Variants in MTTP observed in about 807,000 individuals in gnomAD.
MTTP encodes the protein microsomal triglyceride transfer protein.
A neutral mutation model predicts 90.6 loss-of-function variants in MTTP; 49 were observed. The ratio of observed to expected loss-of-function variants is 0.54; its 90% CI spans 0.43 to 0.69. MTTP has a LOEUF of 0.69. Among genes scored for constraint, MTTP ranks in the 30% least tolerant of loss-of-function variants. The pLI is 0.00. For synonymous variants in MTTP, 347 were observed against 384.2 expected (o/e 0.90, Z 1.13); for missense variants, 945 against 1,067.5 (o/e 0.89, Z 1.60).
intron 1 of MTTP, among the ~76,000 whole-genome samples, chr4:99,577,907 A>T (rs1272612309): frequency 6.6e-6 from 1 of 152,092 alleles, no homozygotes; most frequent in Admixed American, 6.5e-5. Flanking sequence ...TCTTTCTCTC[A>T]ATCCCTCACC....
chr4:99,568,936 A>G (rs1724769498), intron 1 of MTTP, among the ~76,000 whole-genome samples: 1 of 152,082 alleles, frequency 6.6e-6, no homozygotes, highest in African/African-American at 2.4e-5. Context: ...AGGAATTCAA[A>G]TAATTTACGT....
chr4:99,609,973 G>A (rs921516504), intron 12 of MTTP, among the ~76,000 whole-genome samples: 3 of 152,174 alleles, frequency 2.0e-5, no homozygotes, highest in South Asian at 2.1e-4. Flanking sequence ...TCAGGGACCC[G>A]GAAAGAGGAG....
rs1468725368 is a variant in MTTP, at chr4:99,591,775, G to A, written c.743G>A (p.Gly248Glu). ...CTGAATTTCCTACAAACCATTAAGG[G>A]GAAAATAGTATCGAAGTAAGATAAT... is the stretch of plus-strand genomic sequence containing the variant. The part of the protein sequence containing the change: ...FGLNFLQTIK[G>E]KIVSKQKLEL... The change falls in exon 6 of 18, where the codon GGG becomes GAG. Residue 248 changes from glycine (G) to glutamate (E), a missense_variant. Physicochemically the swap from Gly to Glu is moderately conservative, Grantham distance 98. Transcript: ENST00000265517. 1.2e-6 allele frequency: 2 copies of A among 1,612,096 alleles called. No individual in the cohort carries two copies. Among genetic ancestry groups the A allele is most frequent in the Non-Finnish European group, 1.7e-6 (2 of 1,178,698 alleles).
intron 1 of MTTP, among the ~76,000 whole-genome samples, chr4:99,566,149 C>T (rs1286596275): frequency 3.3e-5 from 5 of 151,806 alleles, no homozygotes. Context: ...CTTAGCCGGG[C>T]GTGGTGGCGG....
intron 16 of MTTP, among the ~76,000 whole-genome samples, chr4:99,619,916 C>A (rs536197236): frequency 6.6e-6 from 1 of 152,316 alleles, no homozygotes; most frequent in Admixed American, 6.5e-5. Context: ...GGGCTTCCCA[C>A]ATAATCAGTC....
At chr4:99,595,770 T>A (rs1461481317) in intron 7 of MTTP, 3 of 151,894 alleles carry the variant, frequency 2.0e-5, no homozygotes, top group African/African-American at 7.3e-5. Flanking sequence ...TTTTTTCATA[T>A]GTCATTTAAT....
At chr4:99,606,140 C>A (rs1268383879) in intron 10 of MTTP, among the ~76,000 whole-genome samples, 1 of 152,090 alleles carries the variant, frequency 6.6e-6, no homozygotes, top group African/African-American at 2.4e-5. Context: ...TACACTCAAT[C>A]CCCCTTTTTC....
chr4:99,601,470 C>G, intron 9 of MTTP, 137 bp from the exon 10 acceptor site: 1 of 662,988 alleles, frequency 1.5e-6, no homozygotes, highest in Non-Finnish European at 2.6e-6. Context: ...GTAAGTGTCT[C>G]AAAAGCAAAA....
chr4:99,581,113 T>C (rs553097468), intron 1 of MTTP, among the ~76,000 whole-genome samples: 1 of 152,332 alleles, frequency 6.6e-6, no homozygotes, highest in East Asian at 1.9e-4. Context: ...AAGATTTATG[T>C]GACCATACAT....
intron 15 of MTTP, among the ~76,000 whole-genome samples, chr4:99,617,436 A>G (rs999851615): frequency 3.3e-5 from 5 of 151,956 alleles, no homozygotes; most frequent in African/African-American, 7.3e-5. Context: ...TGGAAAGTGA[A>G]GAGAACTCAG....
chr4:99,582,917 C>A (rs1016969874), intron 2 of MTTP, among the ~76,000 whole-genome samples: 2 of 152,132 alleles, frequency 1.3e-5, no homozygotes, highest in Non-Finnish European at 2.9e-5. Flanking sequence ...AGCCATTTCT[C>A]AATACAACAG....
At chr4:99,586,344 T>C (rs1725259296) in intron 3 of MTTP, among the ~76,000 whole-genome samples, 1 of 152,140 alleles carries the variant, frequency 6.6e-6, no homozygotes. Flanking sequence ...AGTTATACCA[T>C]GGATTCTTTT....
intron 12 of MTTP, among the ~76,000 whole-genome samples, chr4:99,609,803 G>A (rs2110230895): frequency 6.6e-6 from 1 of 152,314 alleles, no homozygotes; most frequent in East Asian, 1.9e-4. Flanking sequence ...TCAGGAAAGA[G>A]CAATGGAGCA....
At chr4:99,588,085 T>C (rs1028464983) in intron 3 of MTTP, among the ~76,000 whole-genome samples, 2 of 152,222 alleles carry the variant, frequency 1.3e-5, no homozygotes, top group Admixed American at 6.5e-5. Flanking sequence ...GCAGAGTATA[T>C]GTAGGAAGTA....
chr4:99,623,085 C>G lies in MTTP; in HGVS notation c.*237C>G. ...CAACAACGTTCTTAGTTTACTTATA[C>G]CTCTCTCAAATCTCATTTGGTACAG... On this transcript the variant is annotated 3_prime_UTR_variant, in exon 18 of 18. Transcript: ENST00000265517. The G allele has an allele frequency of 7.3e-6, 4 of 547,560 alleles. No homozygotes were observed. In the East Asian group the frequency reaches 1.3e-4, roughly 18 times the overall value. The allele number at this position is 547,560 out of a possible 1,614,324, so 33.9% of individuals were successfully genotyped here.
intron 17 of MTTP, among the ~76,000 whole-genome samples, chr4:99,621,690 A>G (rs1467855757): frequency 6.6e-6 from 1 of 152,164 alleles, no homozygotes; most frequent in African/African-American, 2.4e-5. Context: ...CAGCAACTTG[A>G]CCCTGTTTAA....
chr4:99,611,190 A>AC lies in MTTP; in HGVS notation c.1819dup (p.Arg607ProfsTer18). On this transcript the variant is annotated frameshift_variant, in exon 13 of 18. Coordinates refer to ENST00000265517, the MANE Select transcript of MTTP (RefSeq NM_001386140.1). LOFTEE classifies it high-confidence loss of function. ...AAGGAAATGGTCGCTCACAATTATG[A>AC]CCGTTTCTCCAGGAGTGGATCTTCT... is the stretch of plus-strand genomic sequence containing the variant. 6.2e-7 allele frequency: 1 copy of AC among 1,614,004 alleles called. No individual in the cohort carries two copies. The highest frequency in any genetic ancestry group is 8.5e-7 in the Non-Finnish European group (1 of 1,179,978).
At chr4:99,573,537 G>A (rs1203598125), upstream of MTTP, among the ~76,000 whole-genome samples, 1 of 152,108 alleles carries the variant, frequency 6.6e-6, no homozygotes, top group Non-Finnish European at 1.5e-5. Context: ...GACAGCAAAT[G>A]AAATTCTAAT....
chr4:99,585,948 C>G (rs1725248279), intron 3 of MTTP, among the ~76,000 whole-genome samples: 1 of 151,048 alleles, frequency 6.6e-6, no homozygotes, highest in Non-Finnish European at 1.5e-5. Flanking sequence ...ATTATCATTT[C>G]AGTTTACTAT....
Sources: allele counts gnomAD v4.1 joint callset (sites outside exome capture counted in the v4.1 genomes callset), GRCh38; gene constraint gnomAD v4.1.1; transcripts MANE v1.5; gene names NCBI Gene and HGNC (gene_info 2026-07-23, HGNC 2026-07-21).